Variants in TMEM45A observed in about 807,000 individuals in gnomAD.
The protein encoded by TMEM45A is transmembrane protein 45A.
In TMEM45A, 25 loss-of-function variants were observed where a neutral mutation model predicts 32.0. That is an observed-to-expected ratio of 0.78 (90% CI 0.57 to 1.09). The LOEUF (loss-of-function observed/expected upper bound fraction) is 1.09, where lower values mean the gene tolerates loss of function less well. Ranked by LOEUF, TMEM45A falls within the 50% of genes least tolerant of loss-of-function variation. The pLI, the probability that TMEM45A is intolerant of heterozygous loss-of-function variation, is 0.00. For synonymous variants in TMEM45A, 122 were observed against 114.8 expected, an observed-to-expected ratio of 1.06 and a Z score of -0.40; for missense variants, 302 against 325.0, an observed-to-expected ratio of 0.93 and a Z score of 0.54.
chr3:100,500,482 T>C (rs1171646850), intron 1 of TMEM45A, among the ~76,000 whole-genome samples: 1 of 152,248 alleles, frequency 6.6e-6, no homozygotes, highest in Non-Finnish European at 1.5e-5. Flanking sequence ...ACGAGGCCTG[T>C]TTGCCCTGTT....
intron 1 of TMEM45A, among the ~76,000 whole-genome samples, chr3:100,506,401 T>A (rs1186695984): frequency 2.0e-5 from 3 of 152,166 alleles, no homozygotes; most frequent in Non-Finnish European, 4.4e-5. Context: ...ATTCACAGTA[T>A]CTGACACCCC....
intron 4 of TMEM45A, among the ~76,000 whole-genome samples, chr3:100,563,511 T>G (rs561433732): frequency 6.6e-6 from 1 of 152,282 alleles, no homozygotes; most frequent in South Asian, 2.1e-4. Flanking sequence ...TTGGCAGGAC[T>G]GATGGATGGG....
At chr3:100,564,214 C>G (rs544069021) in intron 4 of TMEM45A, among the ~76,000 whole-genome samples, 23 of 152,266 alleles carry the variant, frequency 1.5e-4, no homozygotes, top group South Asian at 8.3e-4. Context: ...ATGTATGACT[C>G]TGACATTGGT....
intron 5 of TMEM45A, among the ~76,000 whole-genome samples, chr3:100,575,300 T>A (rs1706658910): frequency 6.6e-6 from 1 of 151,012 alleles, no homozygotes; most frequent in Admixed American, 6.6e-5. Context: ...CAGCTGCTAA[T>A]CAGTGTCACA....
chr3:100,540,187 G>A (rs1281811993), intron 1 of TMEM45A, among the ~76,000 whole-genome samples: 1 of 151,678 alleles, frequency 6.6e-6, no homozygotes, highest in East Asian at 1.9e-4. Context: ...AATTTTTATG[G>A]AAAAAGAAAG....
At chr3:100,503,093 T>TTCCTCTTCC (rs1269541983) in intron 1 of TMEM45A, among the ~76,000 whole-genome samples, 1 of 151,426 alleles carries the variant, frequency 6.6e-6, no homozygotes, top group African/African-American at 2.4e-5. Context: ...CTTCCTCTTC[T>TTCCTCTTCC]TCCTCTTCCT....
chr3:100,501,463 A>G (rs4132537), intron 1 of TMEM45A, among the ~76,000 whole-genome samples: 85,430 of 151,624 alleles, frequency 0.56, 25,957 homozygotes, highest in African/African-American at 0.81. Context: ...CTCACAGGTG[A>G]GCTGGTGTCC....
At chr3:100,566,394 T>C (rs1414073538) in intron 4 of TMEM45A, among the ~76,000 whole-genome samples, 1 of 152,142 alleles carries the variant, frequency 6.6e-6, no homozygotes, top group Non-Finnish European at 1.5e-5. Flanking sequence ...GATAGATAAA[T>C]GGATGAATGT....
chr3:100,560,263 T>TC (rs1559651633), intron 4 of TMEM45A, among the ~76,000 whole-genome samples: 23 of 72,638 alleles, frequency 3.2e-4, no homozygotes, highest in Admixed American at 7.4e-4. Flanking sequence ...CTCTCTCTCT[T>TC]TTTTTTTTTT....
chr3:100,544,340 T>C (rs1705943869), intron 1 of TMEM45A, among the ~76,000 whole-genome samples: 1 of 152,194 alleles, frequency 6.6e-6, no homozygotes, highest in Non-Finnish European at 1.5e-5. Flanking sequence ...AAGTGATATT[T>C]CTTCCCTTCT....
chr3:100,558,254 A>G (rs1706261864), intron 3 of TMEM45A, 151 bp from the exon 4 acceptor site: 1 of 840,490 alleles, frequency 1.2e-6, no homozygotes. Flanking sequence ...TGATGTCTCC[A>G]AAAATGCAGT....
intron 1 of TMEM45A, among the ~76,000 whole-genome samples, chr3:100,509,543 T>C (rs1328970369): frequency 1.3e-5 from 2 of 152,166 alleles, no homozygotes; most frequent in Non-Finnish European, 2.9e-5. Flanking sequence ...TAAGTGTCTA[T>C]CAATGAATGA....
intron 1 of TMEM45A, among the ~76,000 whole-genome samples, chr3:100,510,180 A>G (rs1384681940): frequency 2.0e-5 from 3 of 152,252 alleles, no homozygotes; most frequent in Admixed American, 2.0e-4. Context: ...ACAGACAAAC[A>G]AAAAGACAGC....
chr3:100,509,951 A>ACC (rs1559635112), intron 1 of TMEM45A, among the ~76,000 whole-genome samples: 1 of 152,230 alleles, frequency 6.6e-6, no homozygotes, highest in African/African-American at 2.4e-5. Context: ...TATCCCACGC[A>ACC]TGGCTCGGAG....
intron 1 of TMEM45A, among the ~76,000 whole-genome samples, chr3:100,513,487 G>A (rs1410187086): frequency 2.0e-5 from 3 of 150,160 alleles, no homozygotes; most frequent in Admixed American, 2.0e-4. Flanking sequence ...AAAATAATAA[G>A]AGCTATCTAT....
intron 1 of TMEM45A, among the ~76,000 whole-genome samples, chr3:100,497,077 T>G (rs1032273774): frequency 3.3e-5 from 5 of 152,262 alleles, no homozygotes; most frequent in African/African-American, 4.8e-5. Context: ...AATTCATTCC[T>G]TAAATATTTT....
intron 1 of TMEM45A, among the ~76,000 whole-genome samples, chr3:100,514,684 C>T (rs1576263548): frequency 6.6e-6 from 1 of 152,252 alleles, no homozygotes; most frequent in East Asian, 1.9e-4. Flanking sequence ...TCAGAGTGAA[C>T]AGGCAACCTA....
At chr3:100,565,626 A>G (rs1311935026) in intron 4 of TMEM45A, among the ~76,000 whole-genome samples, 1 of 152,142 alleles carries the variant, frequency 6.6e-6, no homozygotes, top group Non-Finnish European at 1.5e-5. Context: ...ACACCTAAAC[A>G]CTGTAACTGA....
At chr3:100,568,400 C>A (rs946807973) in intron 4 of TMEM45A, among the ~76,000 whole-genome samples, 1 of 152,248 alleles carries the variant, frequency 6.6e-6, no homozygotes, top group East Asian at 1.9e-4. Flanking sequence ...AGCAGACATC[C>A]ATGTCTCGTT....
Sources: gnomAD v4.1 joint callset for allele counts (sites outside exome capture counted in the v4.1 genomes callset) on GRCh38, gnomAD v4.1.1 for gene constraint, MANE v1.5 for transcripts, NCBI Gene and HGNC (gene_info 2026-07-23, HGNC 2026-07-21) for gene names.